Variants in ADAM22 observed in about 807,000 individuals in gnomAD.
ADAM22 encodes the protein disintegrin and metalloproteinase domain-containing protein 22.
In ADAM22, 65 loss-of-function variants were observed where a neutral mutation model predicts 144.6. That is an observed-to-expected ratio of 0.45 (90% CI 0.37 to 0.55). The LOEUF is 0.55. Among genes scored for constraint, ADAM22 ranks in the 20% least tolerant of loss-of-function variants. ADAM22 has a pLI of 0.00. For synonymous variants in ADAM22, 391 were observed against 412.6 expected, an observed-to-expected ratio of 0.95 and a Z score of 0.63; for missense variants, 974 against 1,184.9, an observed-to-expected ratio of 0.82 and a Z score of 2.61.
At chr7:87,942,670 G>T (rs1293406488) in intron 2 of ADAM22, among the ~76,000 whole-genome samples, 2 of 152,180 alleles carry the variant, frequency 1.3e-5, no homozygotes, top group African/African-American at 4.8e-5. Context: ...AATGGAATTT[G>T]TGAGGATATC....
In ADAM22 at chr7:88,014,958, A is replaced by G. The variant is rs148943437; in HGVS notation, c.323+36546A>G. ...GAAGCCTGGGAATCCACAGGTTTGT[A>G]GAACTCTCCAGGTGATTCTGCTACA... On this transcript the variant is annotated intron_variant, in intron 3 of 31. Transcript: ENST00000413139. 1.1e-4 allele frequency among the ~76,000 whole-genome samples: 17 copies of G among 152,350 alleles called. 1 individual carries two copies. Among genetic ancestry groups the G allele is most frequent in the Non-Finnish European group, 2.4e-4 (16 of 68,034 alleles).
chr7:87,954,545 A>T (rs974694702), intron 2 of ADAM22, among the ~76,000 whole-genome samples: 15 of 152,048 alleles, frequency 9.9e-5, no homozygotes, highest in African/African-American at 2.9e-4. Flanking sequence ...TTTGTGGGTA[A>T]CCCGACCTTT....
chr7:87,982,044 CATAT>C (rs57982467), intron 3 of ADAM22, among the ~76,000 whole-genome samples: 25,697 of 112,048 alleles, frequency 0.23, 3,286 homozygotes, highest in African/African-American at 0.33. Flanking sequence ...ATGTTTATTT[CATAT>C]ATATATATAT....
chr7:88,122,063 C>T (rs569549610), intron 7 of ADAM22, among the ~76,000 whole-genome samples: 1 of 152,260 alleles, frequency 6.6e-6, no homozygotes, highest in South Asian at 2.1e-4. Flanking sequence ...TTACAGGCTG[C>T]AGTCAAGGTG....
At chr7:87,979,267 T>TAA (rs1218107069) in intron 3 of ADAM22, among the ~76,000 whole-genome samples, 1 of 152,158 alleles carries the variant, frequency 6.6e-6, no homozygotes, top group Non-Finnish European at 1.5e-5. Context: ...GAAGTTAATT[T>TAA]AAAAAGGCAT....
intron 4 of ADAM22, among the ~76,000 whole-genome samples, chr7:88,077,274 A>G (rs1814843574): frequency 6.6e-6 from 1 of 152,202 alleles, no homozygotes; most frequent in South Asian, 2.1e-4. Context: ...GAGTTTTTCC[A>G]TTACATATAT....
chr7:88,193,109 A>C lies in ADAM22; in HGVS notation c.2751-7A>C, dbSNP rs1010616086. 8 of 1,613,648 alleles carry C rather than the reference A, an allele frequency of 5.0e-6. 1 individual carries two copies. The Admixed American group carries it at 6.7e-5, about 13-fold the overall frequency. ...ATGATACTTAATTCATGTTCTCAAC[A>C]TCTCAGGACTTTATCTCCTGCCAAG... is the stretch of plus-strand genomic sequence containing the variant. On this transcript the variant is annotated splice_polypyrimidine_tract_variant and splice_region_variant and intron_variant, in intron 30 of 31. Coordinates refer to ENST00000413139, the MANE Select transcript of ADAM22 (RefSeq NM_001324418.2).
chr7:88,017,659 T>G (rs1796843852), intron 3 of ADAM22, among the ~76,000 whole-genome samples: 2 of 152,126 alleles, frequency 1.3e-5, no homozygotes, highest in Admixed American at 6.5e-5. Context: ...CTCAGAAGTT[T>G]TATTTACTTC....
intron 4 of ADAM22, among the ~76,000 whole-genome samples, chr7:88,098,607 A>G (rs535960878): frequency 5.3e-5 from 8 of 152,262 alleles, no homozygotes; most frequent in Non-Finnish European, 1.0e-4. Flanking sequence ...ACAAACACAG[A>G]AAGTTATGGC....
intron 3 of ADAM22, among the ~76,000 whole-genome samples, chr7:88,002,993 C>A (rs1239682455): frequency 2.6e-5 from 4 of 152,172 alleles, no homozygotes; most frequent in African/African-American, 9.6e-5. Flanking sequence ...ATGTTATTGT[C>A]AGAAAAGTAG....
At chr7:88,122,657 G>T (rs1829580487) in intron 7 of ADAM22, among the ~76,000 whole-genome samples, 1 of 152,190 alleles carries the variant, frequency 6.6e-6, no homozygotes, top group Non-Finnish European at 1.5e-5. Context: ...CCTTCTGTGT[G>T]TAAAACTAAA....
chr7:88,143,429 C>CT (rs1835391225), intron 15 of ADAM22, among the ~76,000 whole-genome samples: 1 of 152,116 alleles, frequency 6.6e-6, no homozygotes, highest in African/African-American at 2.4e-5. Context: ...TATTACTTTT[C>CT]TTTTTTATTT....
At chr7:88,130,347 A>G (rs756472052) in intron 9 of ADAM22, 41 bp from the exon 10 acceptor site, 1 of 1,511,768 alleles carries the variant, frequency 6.6e-7, no homozygotes, top group Non-Finnish European at 9.1e-7. Flanking sequence ...TTGTTTTCTG[A>G]TCACTTTGCA....
At position 88,179,142 on chromosome 7, in the gene ADAM22, C is replaced by G; in HGVS notation, c.2495+13C>G. 1 of 943,478 alleles carries G rather than the reference C, an allele frequency of 1.1e-6. No individual in the cohort carries two copies. Among genetic ancestry groups the G allele is most frequent in the Non-Finnish European group, 1.7e-6 (1 of 595,874 alleles). The allele number at this position is 943,478 out of a possible 1,614,324, so 58.4% of individuals were successfully genotyped here. ...TATTTTGCAGCAGGTTTGATTACTT[C>G]TTCCTTCTTTCTTGAATGTTAAAAA... On this transcript the variant is annotated intron_variant, in intron 27 of 31. Transcript: ENST00000413139.
At chr7:87,972,039 C>T (rs1227911753) in intron 2 of ADAM22, among the ~76,000 whole-genome samples, 1 of 152,134 alleles carries the variant, frequency 6.6e-6, no homozygotes, top group Non-Finnish European at 1.5e-5. Context: ...GGGATGCCCT[C>T]TGTCACCACT....
chr7:88,156,924 A>G (rs1840130281), intron 22 of ADAM22, among the ~76,000 whole-genome samples: 1 of 151,992 alleles, frequency 6.6e-6, no homozygotes, highest in South Asian at 2.1e-4. Context: ...AAAAAAAAAG[A>G]CAAAAACAAT....
At chr7:87,939,123 G>A (rs1055211457) in intron 2 of ADAM22, among the ~76,000 whole-genome samples, 1 of 152,168 alleles carries the variant, frequency 6.6e-6, no homozygotes, top group Non-Finnish European at 1.5e-5. Context: ...TGATCACAGA[G>A]GCCAGCGGAG....
chr7:88,093,193 A>G (rs894597471), intron 4 of ADAM22, among the ~76,000 whole-genome samples: 2 of 151,994 alleles, frequency 1.3e-5, no homozygotes, highest in African/African-American at 2.4e-5. Flanking sequence ...TACTCTTGCA[A>G]TTTTTTTGAA....
intron 3 of ADAM22, among the ~76,000 whole-genome samples, chr7:87,985,002 T>G (rs1023994044): frequency 7.9e-5 from 12 of 151,166 alleles, no homozygotes; most frequent in African/African-American, 2.9e-4. Context: ...ACAATGAAAG[T>G]CTTTTTTTTT....
Sources: allele counts gnomAD v4.1 joint callset (sites outside exome capture counted in the v4.1 genomes callset), GRCh38; gene constraint gnomAD v4.1.1; transcripts MANE v1.5; gene names NCBI Gene and HGNC (gene_info 2026-07-23, HGNC 2026-07-21).